The following STK32A variants were observed in gnomAD, a reference collection of about 807,000 sequenced individuals.
The protein encoded by STK32A is serine/threonine-protein kinase 32A.
A neutral mutation model predicts 53.2 loss-of-function variants in STK32A; 41 were observed. The observed-to-expected ratio is 0.77, with a 90% confidence interval of 0.60 to 1.00. STK32A has a LOEUF of 1.00. Among genes scored for constraint, STK32A ranks in the 50% least tolerant of loss-of-function variants. STK32A has a pLI of 0.00. For missense variants in STK32A, 458 were observed against 485.8 expected, an observed-to-expected ratio of 0.94 and a Z score of 0.54; for synonymous variants, 166 against 162.8, an observed-to-expected ratio of 1.02 and a Z score of -0.15.
chr5:147,301,318 C>A (rs1022840747), intron 4 of STK32A, among the ~76,000 whole-genome samples: 1 of 151,736 alleles, frequency 6.6e-6, no homozygotes, highest in South Asian at 2.1e-4. Flanking sequence ...CCTATAGATA[C>A]AAATCATCTC....
the STK32A span, chr5:147,395,436 T>TTG: frequency 1.6e-6 from 2 of 1,214,408 alleles, no homozygotes; most frequent in African/African-American, 3.0e-5. Context: ...CTCCCTAAAG[T>TTG]TGACACCAGT....
intron 4 of STK32A, among the ~76,000 whole-genome samples, chr5:147,307,916 ACT>A (rs1251398414): frequency 6.6e-6 from 1 of 151,758 alleles, no homozygotes; most frequent in Non-Finnish European, 1.5e-5. Context: ...CATATTTATC[ACT>A]CTGTTTTAAT....
chr5:147,380,916 T>A (rs1271694190), intron 11 of STK32A, among the ~76,000 whole-genome samples: 1 of 152,250 alleles, frequency 6.6e-6, no homozygotes, highest in East Asian at 1.9e-4. Flanking sequence ...TGTATTAGCC[T>A]CTTATACAAA....
rs185382722 is a variant in STK32A at position 147,348,310 on chromosome 5, C to T, written c.473-2755C>T. ...TCAACTGACGTGTAATGAGTACTCA[C>T]CAGAGTTGAGATGTTCTGCTAAGCC... On this transcript the variant is annotated intron_variant, in intron 6 of 12. Coordinates refer to ENST00000397936, the MANE Select transcript of STK32A (RefSeq NM_001112724.2). Among the ~76,000 whole-genome samples, 436 of 152,308 alleles carry T rather than the reference C, an allele frequency of 2.9e-3. 4 individuals carry two copies. Among genetic ancestry groups the T allele is most frequent in the Non-Finnish European group, 4.8e-3 (324 of 68,030 alleles).
intron 6 of STK32A, chr5:147,348,705 C>T (rs753533832): frequency 2.3e-5 from 18 of 774,208 alleles, no homozygotes; most frequent in Non-Finnish European, 3.6e-5. Flanking sequence ...ATACCTGGCT[C>T]TCCTACAAGT....
intron 4 of STK32A, among the ~76,000 whole-genome samples, chr5:147,289,534 G>C (rs538993692): frequency 6.6e-6 from 1 of 151,152 alleles, no homozygotes; most frequent in East Asian, 1.9e-4. Flanking sequence ...TTGTGTGTGT[G>C]AATAGGTATA....
At chr5:147,260,318 T>TC (rs775767235) in intron 2 of STK32A, among the ~76,000 whole-genome samples, 5 of 130,486 alleles carry the variant, frequency 3.8e-5, no homozygotes, top group African/African-American at 1.2e-4. Context: ...TCTCTCTCTC[T>TC]TCTCCGTCTC....
intron 8 of STK32A, among the ~76,000 whole-genome samples, chr5:147,362,934 T>A (rs1581139571): frequency 6.6e-6 from 1 of 151,496 alleles, no homozygotes; most frequent in South Asian, 2.1e-4. Flanking sequence ...CTTTTTTTTT[T>A]AATTAGCCAG....
At chr5:147,258,601 C>A (rs1005267238) in intron 2 of STK32A, among the ~76,000 whole-genome samples, 1 of 152,054 alleles carries the variant, frequency 6.6e-6, no homozygotes, top group African/African-American at 2.4e-5. Context: ...TTGTTGTAAA[C>A]ATCCCTTTCT....
chr5:147,327,155 T>C (rs1754637799), intron 5 of STK32A, among the ~76,000 whole-genome samples: 1 of 152,176 alleles, frequency 6.6e-6, no homozygotes, highest in African/African-American at 2.4e-5. Flanking sequence ...GATCCCTTTG[T>C]TTAAGGAATT....
At chr5:147,291,956 G>A (rs113141616) in intron 4 of STK32A, among the ~76,000 whole-genome samples, 5 of 152,204 alleles carry the variant, frequency 3.3e-5, no homozygotes, top group African/African-American at 1.2e-4. Context: ...TTTTTCATAA[G>A]GAATCTCAGA....
Position 147,351,045 on chromosome 5 carries a change from T to C in STK32A, c.473-20T>C. On this transcript the variant is annotated intron_variant, in intron 6 of 12. Coordinates refer to ENST00000397936, the MANE Select transcript of STK32A (RefSeq NM_001112724.2). ...GTTGAATGGGACTTAACTTTCTGTG[T>C]GGTTCTTCTCTCTCTGCAGGGCACG... is the stretch of plus-strand genomic sequence containing the variant. 6.2e-7 allele frequency: 1 copy of C among 1,609,802 alleles called. No individual in the cohort carries two copies. Among genetic ancestry groups the C allele is most frequent in the Non-Finnish European group, 8.5e-7 (1 of 1,176,444 alleles).
intron 4 of STK32A, among the ~76,000 whole-genome samples, chr5:147,313,563 C>T (rs556294261): frequency 5.3e-5 from 8 of 152,162 alleles, no homozygotes; most frequent in Non-Finnish European, 5.9e-5. Context: ...ACAAGCTGAT[C>T]TTAAAATGTG....
intron 7 of STK32A, among the ~76,000 whole-genome samples, chr5:147,360,034 C>A (rs1321158810): frequency 7.9e-5 from 12 of 152,130 alleles, no homozygotes; most frequent in Admixed American, 7.9e-4. Flanking sequence ...TCAACTAGGT[C>A]AATTATTATG....
At position 147,384,401 on chromosome 5, in the gene STK32A, C is replaced by T. The variant is rs528418934; in HGVS notation, c.*418C>T. 9.1e-6 allele frequency: 14 copies of T among 1,534,120 alleles called. No individual in the cohort carries two copies. In the South Asian group the frequency reaches 1.7e-4, roughly 18 times the overall value. ...GACAAATGGACAAATGGACACAGGA[C>T]TCAGTGAGACTTTTCAGACCTCGAA... On this transcript the variant is annotated 3_prime_UTR_variant, in exon 13 of 13. Coordinates refer to ENST00000397936, the MANE Select transcript of STK32A (RefSeq NM_001112724.2).
At chr5:147,296,689 T>A (rs969451324) in intron 4 of STK32A, among the ~76,000 whole-genome samples, 1 of 152,120 alleles carries the variant, frequency 6.6e-6, no homozygotes. Flanking sequence ...ACTGGGAGAT[T>A]GCCTTTTCCT....
chr5:147,278,094 C>A, intron 2 of STK32A, 30 bp from the exon 3 acceptor site: 1 of 1,546,666 alleles, frequency 6.5e-7, no homozygotes, highest in Non-Finnish European at 8.8e-7. Context: ...TTGATAATTA[C>A]TCATGATATT....
chr5:147,396,551 G>T, the STK32A span, among the ~76,000 whole-genome samples: 1 of 152,160 alleles, frequency 6.6e-6, no homozygotes, highest in African/African-American at 2.4e-5. Flanking sequence ...AAGAAGTCCT[G>T]TCAGAGCCTC....
intron 4 of STK32A, among the ~76,000 whole-genome samples, chr5:147,287,659 T>C (rs1761921409): frequency 6.6e-6 from 1 of 152,128 alleles, no homozygotes; most frequent in African/African-American, 2.4e-5. Flanking sequence ...TTAATCAGTA[T>C]CTTAGAGTGG....
Sources: allele counts gnomAD v4.1 joint callset (sites outside exome capture counted in the v4.1 genomes callset), GRCh38; gene constraint gnomAD v4.1.1; transcripts MANE v1.5; gene names NCBI Gene and HGNC (gene_info 2026-07-23, HGNC 2026-07-21).